The following FGF14 variants were observed in gnomAD, a reference collection of about 807,000 sequenced individuals.
FGF14 encodes the protein fibroblast growth factor 14.
In FGF14, 5 loss-of-function variants were observed where a neutral mutation model predicts 25.5. That is an observed-to-expected ratio of 0.20 (90% CI 0.10 to 0.41). The LOEUF (loss-of-function observed/expected upper bound fraction) is 0.41, where lower values mean the gene tolerates loss of function less well. Ranked by LOEUF, FGF14 falls within the 10% of genes least tolerant of loss-of-function variation. The probability of loss-of-function intolerance (pLI) is 1.00; values close to 1 mark genes in which losing one functional copy is unlikely to be tolerated. For missense variants in FGF14, 222 were observed against 320.1 expected, an observed-to-expected ratio of 0.69 and a Z score of 2.34; for synonymous variants, 138 against 118.3, an observed-to-expected ratio of 1.17 and a Z score of -1.08.
At chr13:101,929,162 A>G (rs1327178348) in intron 1 of FGF14, among the ~76,000 whole-genome samples, 2 of 152,194 alleles carry the variant, frequency 1.3e-5, no homozygotes, top group Non-Finnish European at 2.9e-5. Context: ...AGATGTTGAC[A>G]TAGGCGCTTG....
chr13:101,769,095 T>C (rs999815159), intron 3 of FGF14, among the ~76,000 whole-genome samples: 1 of 152,120 alleles, frequency 6.6e-6, no homozygotes, highest in African/African-American at 2.4e-5. Flanking sequence ...CAAATATCTC[T>C]TAAAGCCCAG....
chr13:101,795,492 C>T (rs1376473722), intron 3 of FGF14, among the ~76,000 whole-genome samples: 1 of 152,064 alleles, frequency 6.6e-6, no homozygotes, highest in Non-Finnish European at 1.5e-5. Context: ...GTGAGGTTTG[C>T]TGTCTCCTTA....
intron 1 of FGF14, among the ~76,000 whole-genome samples, chr13:101,962,124 T>G (rs71441531): frequency 6.6e-6 from 1 of 152,118 alleles, no homozygotes; most frequent in African/African-American, 2.4e-5. Flanking sequence ...TTAATGGGTA[T>G]AGCATTGAAT....
intron 1 of FGF14, among the ~76,000 whole-genome samples, chr13:102,105,030 T>C (rs996620650): frequency 6.6e-6 from 1 of 152,170 alleles, no homozygotes; most frequent in Admixed American, 6.5e-5. Context: ...AAATATGACT[T>C]ATGCAAAGGA....
At chr13:102,339,769 G>A (rs1251424972) in intron 1 of FGF14, among the ~76,000 whole-genome samples, 1 of 152,186 alleles carries the variant, frequency 6.6e-6, no homozygotes, top group East Asian at 1.9e-4. Flanking sequence ...TCATCATGGT[G>A]AGAGATAATA....
At chr13:102,353,449 C>A (rs375336483) in intron 1 of FGF14, among the ~76,000 whole-genome samples, 26 of 152,312 alleles carry the variant, frequency 1.7e-4, no homozygotes, top group African/African-American at 6.0e-4. Context: ...AAGCTTCTGA[C>A]ATAGATACCC....
At chr13:102,106,636 A>G (rs2044934671) in intron 1 of FGF14, among the ~76,000 whole-genome samples, 1 of 151,710 alleles carries the variant, frequency 6.6e-6, no homozygotes, top group African/African-American at 2.4e-5. Flanking sequence ...GAGAGAGAGA[A>G]AGAAAGAAAA....
At chr13:102,165,586 A>ATG in intron 1 of FGF14, among the ~76,000 whole-genome samples, 1 of 143,068 alleles carries the variant, frequency 7.0e-6, no homozygotes, top group African/African-American at 2.6e-5. Context: ...AACACCACGA[A>ATG]TTCTCACTCA....
intron 1 of FGF14, among the ~76,000 whole-genome samples, chr13:102,223,575 C>T (rs527678114): frequency 4.6e-5 from 7 of 152,248 alleles, no homozygotes; most frequent in African/African-American, 1.4e-4. Flanking sequence ...CGATGGCCTA[C>T]GGCTTTCAGA....
intron 2 of FGF14, among the ~76,000 whole-genome samples, chr13:101,872,602 C>G (rs2045163349): frequency 6.6e-6 from 1 of 151,900 alleles, no homozygotes; most frequent in Non-Finnish European, 1.5e-5. Flanking sequence ...TTTGCATAGG[C>G]CAGAGGACAT....
intron 1 of FGF14, among the ~76,000 whole-genome samples, chr13:101,997,936 T>G (rs555136853): frequency 3.3e-4 from 51 of 152,308 alleles, no homozygotes; most frequent in African/African-American, 1.1e-3. Context: ...TACCTATAGA[T>G]AGCAAAACAG....
intron 3 of FGF14, among the ~76,000 whole-genome samples, chr13:101,816,911 C>A (rs763473735): frequency 4.6e-5 from 7 of 152,128 alleles, no homozygotes; most frequent in Non-Finnish European, 8.8e-5. Flanking sequence ...ATACTTGTTA[C>A]TTTGCTAAGC....
At chr13:101,870,510 T>C (rs984519585) in intron 2 of FGF14, among the ~76,000 whole-genome samples, 6 of 152,206 alleles carry the variant, frequency 3.9e-5, no homozygotes, top group Non-Finnish European at 7.3e-5. Context: ...ATATTTTATA[T>C]AGGCCAGGTA....
At chr13:102,099,425 C>T (rs1172097791) in intron 1 of FGF14, among the ~76,000 whole-genome samples, 1 of 152,212 alleles carries the variant, frequency 6.6e-6, no homozygotes, top group African/African-American at 2.4e-5. Flanking sequence ...CTCTTAACCA[C>T]ACAAGGGTTC....
chr13:101,745,817 T>C (rs192715177), intron 3 of FGF14, among the ~76,000 whole-genome samples: 2 of 151,884 alleles, frequency 1.3e-5, no homozygotes, highest in African/African-American at 4.8e-5. Flanking sequence ...GGTTTCATGG[T>C]GAGAACCTAC....
chr13:102,161,573 G>GAAAAGAAGAAGA lies in FGF14; in HGVS notation c.208+239897_208+239898insTCTTCTTCTTTT, dbSNP rs377102698. On this transcript the variant is annotated intron_variant, in intron 1 of 4. Coordinates refer to the FGF14 transcript ENST00000376131. Reference sequence around the variant, plus strand: ...ATGCAACCAACTTTCTGTGAAGAAAGAAAGAAGAAGAAGAAGAAGAAGAAG... The same window carrying GAAAAGAAGAAGA: ...ATGCAACCAACTTTCTGTGAAGAAAGAAAAGAAGAAGAAAAGAAGAAGAAGAAGAAGAAGAAG... 1.1e-3 allele frequency among the ~76,000 whole-genome samples: 6 copies of GAAAAGAAGAAGA among 5,486 alleles called. 2 individuals are homozygous for GAAAAGAAGAAGA. Among genetic ancestry groups the GAAAAGAAGAAGA allele is most frequent in the Non-Finnish European group, 2.1e-3 (6 of 2,914 alleles). 3.6% of individuals were successfully genotyped at this position (5,486 alleles called of 152,430 possible).
intron 1 of FGF14, among the ~76,000 whole-genome samples, chr13:102,017,603 CATCA>C (rs1242247348): frequency 6.6e-6 from 1 of 152,096 alleles, no homozygotes; most frequent in Non-Finnish European, 1.5e-5. Flanking sequence ...AGTCTCTTTT[CATCA>C]ATCTTACTAG....
At chr13:101,930,304 A>G (rs143052421) in intron 1 of FGF14, among the ~76,000 whole-genome samples, 7 of 152,330 alleles carry the variant, frequency 4.6e-5, no homozygotes, top group African/African-American at 1.4e-4. Context: ...TATTGAGAGT[A>G]TTTACAAGGT....
intron 1 of FGF14, among the ~76,000 whole-genome samples, chr13:102,375,979 T>C (rs1230084796): frequency 1.3e-5 from 2 of 152,162 alleles, no homozygotes; most frequent in African/African-American, 4.8e-5. Flanking sequence ...ATCTCCACAT[T>C]GACATCGAAA....
Sources: gnomAD v4.1 joint callset for allele counts (sites outside exome capture counted in the v4.1 genomes callset) on GRCh38, gnomAD v4.1.1 for gene constraint, MANE v1.5 for transcripts, NCBI Gene and HGNC (gene_info 2026-07-23, HGNC 2026-07-21) for gene names.